SPNS2: variants seen among roughly 807,000 people sequenced by gnomAD.
The protein encoded by SPNS2 is sphingosine-1-phosphate transporter SPNS2.
A neutral mutation model predicts 57.6 loss-of-function variants in SPNS2; 37 were observed. The ratio of observed to expected loss-of-function variants is 0.64; its 90% CI spans 0.49 to 0.85. SPNS2 has a LOEUF of 0.85. Ranked by LOEUF, SPNS2 falls within the 40% of genes least tolerant of loss-of-function variation. The probability of loss-of-function intolerance (pLI) is 0.00; values close to 1 mark genes in which losing one functional copy is unlikely to be tolerated. For synonymous variants in SPNS2, 440 were observed against 346.9 expected (o/e 1.27, Z -2.98); for missense variants, 831 against 779.1 (o/e 1.07, Z -0.79).
rs770664644 is a variant in SPNS2 at position 4,536,187 on chromosome 17, G to A, written c.1443+13G>A. 5.1e-5 allele frequency: 82 copies of A among 1,610,274 alleles called. 1 individual carries two copies. The highest frequency in any genetic ancestry group is 2.7e-4 in the African/African-American group (20 of 74,992). ...CCTCATTGGCTTTGTGAGTAGCCCC[G>A]GGGTGGGGCTGGCCAGGGCAGGCTG... On this transcript the variant is annotated intron_variant, in intron 10 of 12. Transcript: ENST00000329078.
In SPNS2 at chr17:4,533,431, A is replaced by G. The variant is rs982571240; in HGVS notation, c.1277A>G (p.Tyr426Cys). ...VAAKSSIVGAYICIFVGETLL... is the reference protein window; with the variant it reads ...VAAKSSIVGACICIFVGETLL... Reference sequence around the variant, plus strand: ...GCCAAGAGCAGCATCGTAGGAGCCTATGTGAGTGCAGCGGGGGTCAAGGGT... The same window carrying G: ...GCCAAGAGCAGCATCGTAGGAGCCTGTGTGAGTGCAGCGGGGGTCAAGGGT... The change falls in exon 8 of 13, where the codon TAT becomes TGT. Residue 426 changes from tyrosine to cysteine, a missense_variant and splice_region_variant. Around this residue, in one of 2 missense-constraint regions of SPNS2, gnomAD observed 526 missense variants for 400.9 expected, o/e 1.31. Transcript: ENST00000329078. 5 of 1,596,958 alleles carry G rather than the reference A, an allele frequency of 3.1e-6. No homozygotes were observed. In the African/African-American group the frequency reaches 4.0e-5, roughly 13 times the overall value.
intron 2 of SPNS2, among the ~76,000 whole-genome samples, chr17:4,523,768 C>G (rs1905198951): frequency 6.6e-6 from 1 of 152,186 alleles, no homozygotes. Context: ...GTGGCATCCA[C>G]TTGCTCTCAC....
rs773330727 is a variant in SPNS2, at chr17:4,525,044, C to G, written c.437-13C>G. On this transcript the variant is annotated splice_polypyrimidine_tract_variant and intron_variant, in intron 2 of 12. Coordinates refer to ENST00000329078, the MANE Select transcript of SPNS2 (RefSeq NM_001124758.3). ...GGACCTGGGCCCCCCCTCAAGCTCT[C>G]CTCTCCCTGCAGTGTTCATCTGTAG... 1.7e-5 allele frequency: 27 copies of G among 1,612,110 alleles called. No homozygotes were observed. The highest frequency in any genetic ancestry group is 2.3e-5 in the Non-Finnish European group (27 of 1,178,254).
At chr17:4,518,242 G>A (rs769369246) in intron 2 of SPNS2, among the ~76,000 whole-genome samples, 11 of 152,268 alleles carry the variant, frequency 7.2e-5, no homozygotes, top group Non-Finnish European at 1.6e-4. Context: ...TGTGTGTCTC[G>A]GGCCGGGCGC....
chr17:4,534,009 T>C (rs1567596359), intron 9 of SPNS2, among the ~76,000 whole-genome samples, 156 bp downstream of exon 9: 2 of 151,236 alleles, frequency 1.3e-5, no homozygotes, highest in African/African-American at 4.9e-5. Context: ...GATCAGAGAG[T>C]TTGGGGTCTG....
intron 2 of SPNS2, among the ~76,000 whole-genome samples, chr17:4,521,855 C>T (rs571497641): frequency 3.9e-5 from 6 of 152,324 alleles, no homozygotes; most frequent in Admixed American, 2.0e-4. Context: ...ATCAGTGACA[C>T]GACGTGGGTA....
intron 1 of SPNS2, among the ~76,000 whole-genome samples, chr17:4,502,797 G>T (rs1022499866): frequency 3.3e-5 from 5 of 152,132 alleles, no homozygotes; most frequent in African/African-American, 1.2e-4. Context: ...TGGGATTTTT[G>T]TTGTTGTTGT....
At chr17:4,537,009 A>G (rs1212889055) in intron 12 of SPNS2, 63 bp downstream of exon 12, 1 of 1,568,710 alleles carries the variant, frequency 6.4e-7, no homozygotes, top group Non-Finnish European at 8.7e-7. Context: ...AGGGTTAGGC[A>G]ACAGGGAGCA....
intron 8 of SPNS2, 167 bp downstream of exon 8, chr17:4,533,599 A>C (rs1905608146): frequency 9.8e-7 from 1 of 1,017,418 alleles, no homozygotes. Flanking sequence ...CAGCCTGTCC[A>C]GGGCCTCTGG....
intron 3 of SPNS2, 36 bp downstream of exon 3, chr17:4,525,229 T>C (rs370586037): frequency 6.2e-7 from 1 of 1,606,710 alleles, no homozygotes; most frequent in South Asian, 1.1e-5. Context: ...GACCCCTGTG[T>C]CCTGGTCCCT....
In SPNS2 at chr17:4,499,353, G is replaced by A. The variant is rs1292246056; in HGVS notation, c.306G>A (p.Gly102=). Reference sequence around the variant, plus strand: ...CGGCCAGCTTGGGCCGCGGGCGGGGGGCAGCCGCCGCCATCCTCAGCTTGG... The same window carrying A: ...CGGCCAGCTTGGGCCGCGGGCGGGGAGCAGCCGCCGCCATCCTCAGCTTGG... The part of the protein sequence containing the change: ...PKPASLGRGR[G]AAAAILSLGN... Residue 102 remains glycine, a synonymous_variant, in exon 1 of 13, where the codon GGG becomes GGA. Transcript: ENST00000329078. This position sits in a 1 kb window ranked among gnomAD's most constrained non-coding sequence, Gnocchi z 5.2. 3.5e-6 allele frequency: 5 copies of A among 1,447,894 alleles called. No homozygotes were observed. In the South Asian group the frequency reaches 5.4e-5, roughly 16 times the overall value. 89.7% of individuals were successfully genotyped at this position (1,447,894 alleles called of 1,614,324 possible).
chr17:4,502,920 C>A (rs1465861421), intron 1 of SPNS2, among the ~76,000 whole-genome samples: 1 of 152,222 alleles, frequency 6.6e-6, no homozygotes, highest in East Asian at 1.9e-4. Context: ...GCCCCAGCGC[C>A]ACCCGGTGAA....
At chr17:4,513,416 A>C in intron 2 of SPNS2, 104 bp downstream of exon 2, 7 of 1,246,288 alleles carry the variant, frequency 5.6e-6, no homozygotes, top group Admixed American at 1.8e-5. Context: ...CCCTGTCCTG[A>C]CTCCTGGAAA....
In SPNS2 at chr17:4,538,298, AG is replaced by A. The variant is rs2144395321; in HGVS notation, c.*854del. The A allele has an allele frequency of 1.1e-5, 2 of 184,424 alleles. No individual in the cohort carries two copies. The highest frequency in any genetic ancestry group is 2.3e-5 in the Non-Finnish European group (2 of 87,586). 11.4% of individuals were successfully genotyped at this position (184,424 alleles called of 1,614,324 possible). ...CCCGAGGCTGAGCTGAGCCTTTTCC[AG>A]GGGCAGGGCCCAGGAGACCATTCCC... On this transcript the variant is annotated 3_prime_UTR_variant, in exon 13 of 13. Coordinates refer to ENST00000329078, the MANE Select transcript of SPNS2 (RefSeq NM_001124758.3).
intron 12 of SPNS2, 35 bp downstream of exon 12, chr17:4,536,981 T>C: frequency 2.5e-6 from 4 of 1,609,270 alleles, no homozygotes; most frequent in Non-Finnish European, 3.4e-6. Context: ...GGGGGCTCCC[T>C]AAGGAAAGGG....
At position 4,532,067 on chromosome 17, in the gene SPNS2, C is replaced by T. The variant is rs76852042; in HGVS notation, c.793-475C>T. On this transcript the variant is annotated intron_variant, in intron 5 of 12. Transcript: ENST00000329078. ...TTTTCTCCTCCCTCAAAGTCATCAT[C>T]CCATCTGGCTATCTACTTATTTTCC... Among the ~76,000 whole-genome samples, 1,515 of 152,326 alleles carry T rather than the reference C, an allele frequency of 9.9e-3. 24 individuals are homozygous for T. Among genetic ancestry groups the T allele is most frequent in the African/African-American group, 0.035 (1,449 of 41,562 alleles).
intron 1 of SPNS2, among the ~76,000 whole-genome samples, chr17:4,505,839 G>T (rs1904661793): frequency 6.6e-6 from 1 of 152,160 alleles, no homozygotes; most frequent in Non-Finnish European, 1.5e-5. Context: ...GCTTTCCTCT[G>T]CCCTCTTGGA....
At chr17:4,507,638 C>G (rs1021548682) in intron 1 of SPNS2, among the ~76,000 whole-genome samples, 1 of 152,194 alleles carries the variant, frequency 6.6e-6, no homozygotes, top group East Asian at 1.9e-4. Flanking sequence ...GGATTTAAAC[C>G]CAGATGCTCC....
At chr17:4,501,343 G>A (rs578096882) in intron 1 of SPNS2, among the ~76,000 whole-genome samples, 7 of 152,294 alleles carry the variant, frequency 4.6e-5, no homozygotes, top group Admixed American at 1.3e-4. Context: ...GGATCAGGGA[G>A]GGCTGGCACT....
Sources: gnomAD v4.1 joint callset for allele counts (sites outside exome capture counted in the v4.1 genomes callset) on GRCh38, gnomAD v4.1.1 for gene constraint, gnomAD v4.1.1 regional missense constraint, Gnocchi (gnomAD v3.1) non-coding constraint, MANE v1.5 for transcripts, NCBI Gene and HGNC (gene_info 2026-07-23, HGNC 2026-07-21) for gene names.